Variants in AUTS2 observed in about 807,000 individuals in gnomAD.
AUTS2 encodes autism susceptibility gene 2 protein.
In AUTS2, 17 loss-of-function variants were observed where a neutral mutation model predicts 112.4. The ratio of observed to expected loss-of-function variants is 0.15; its 90% CI spans 0.10 to 0.23. AUTS2 has a LOEUF of 0.23. Ranked by LOEUF, AUTS2 falls within the 10% of genes least tolerant of loss-of-function variation. The pLI, the probability that AUTS2 is intolerant of heterozygous loss-of-function variation, is 1.00. For synonymous variants in AUTS2, 751 were observed against 702.7 expected (o/e 1.07, Z -1.09); for missense variants, 1,510 against 1,701.6 (o/e 0.89, Z 1.98).
intron 5 of AUTS2, among the ~76,000 whole-genome samples, chr7:70,685,472 C>CAAAAAAA (rs34403837): frequency 1.2e-4 from 8 of 65,958 alleles, no homozygotes; most frequent in African/African-American, 3.2e-4. Context: ...GACTCTGTCT[C>CAAAAAAA]AAAAAAAAAA....
intron 1 of AUTS2, among the ~76,000 whole-genome samples, chr7:69,720,276 C>A (rs1798854082): frequency 6.6e-6 from 1 of 152,128 alleles, no homozygotes; most frequent in Non-Finnish European, 1.5e-5. Flanking sequence ...TATAGCCTTT[C>A]ATAATAGAAT....
chr7:69,817,176 AT>A (rs761356813), intron 1 of AUTS2, among the ~76,000 whole-genome samples: 3 of 152,214 alleles, frequency 2.0e-5, no homozygotes, highest in Non-Finnish European at 4.4e-5. Flanking sequence ...ACTTGTTCTG[AT>A]GCAAATATGA....
At chr7:69,919,898 A>G (rs1206257786) in intron 2 of AUTS2, among the ~76,000 whole-genome samples, 2 of 152,214 alleles carry the variant, frequency 1.3e-5, no homozygotes, top group East Asian at 1.9e-4. Context: ...GCTTTGTGGT[A>G]ATGACTCACT....
chr7:70,222,753 A>G (rs1054078433), intron 4 of AUTS2, among the ~76,000 whole-genome samples: 1 of 152,200 alleles, frequency 6.6e-6, no homozygotes, highest in Admixed American at 6.5e-5. Context: ...CTAGTACAGT[A>G]TACAGTAAGA....
At chr7:70,578,933 T>A (rs952816390) in intron 5 of AUTS2, among the ~76,000 whole-genome samples, 12 of 150,122 alleles carry the variant, frequency 8.0e-5, no homozygotes, top group Non-Finnish European at 1.8e-4. Flanking sequence ...TTTCTTTTTT[T>A]TTTTTTGAGA....
chr7:69,812,689 C>A (rs1228668394), intron 1 of AUTS2, among the ~76,000 whole-genome samples: 1 of 151,900 alleles, frequency 6.6e-6, no homozygotes, highest in East Asian at 1.9e-4. Flanking sequence ...TTTCTTTTAA[C>A]TTGAGGGCTC....
intron 5 of AUTS2, among the ~76,000 whole-genome samples, chr7:70,677,615 G>T (rs1184499116): frequency 6.6e-6 from 1 of 152,018 alleles, no homozygotes; most frequent in African/African-American, 2.4e-5. Context: ...TAGAGGCAGG[G>T]TCTTGCTTTG....
intron 1 of AUTS2, among the ~76,000 whole-genome samples, chr7:69,651,533 C>T (rs1321743150): frequency 2.0e-5 from 3 of 152,152 alleles, no homozygotes; most frequent in Admixed American, 1.3e-4. Flanking sequence ...GACCCGCCTA[C>T]TATACTTAAA....
intron 5 of AUTS2, among the ~76,000 whole-genome samples, chr7:70,461,703 A>G (rs1303071309): frequency 6.6e-6 from 1 of 152,146 alleles, no homozygotes; most frequent in African/African-American, 2.4e-5. Context: ...ACTGAACGGT[A>G]ATGAGATAAA....
At chr7:70,293,710 C>T (rs2129612290) in intron 4 of AUTS2, 1 of 152,328 alleles carries the variant, frequency 6.6e-6, no homozygotes, top group Non-Finnish European at 1.5e-5. Flanking sequence ...TCAGGGACAC[C>T]ATTTCTTTCC....
At chr7:70,686,012 A>C (rs555180054) in intron 5 of AUTS2, among the ~76,000 whole-genome samples, 145 of 152,116 alleles carry the variant, frequency 9.5e-4, no homozygotes, top group African/African-American at 3.3e-3. Context: ...CCCCCGCCCC[A>C]GCACCATCTC....
Position 70,491,625 on chromosome 7 carries a change from A to G in AUTS2, c.690+55844A>G, listed in dbSNP as rs201468178. On this transcript the variant is annotated intron_variant, in intron 5 of 18. Transcript: ENST00000342771. ...TGTGTGTGTGTGTGTGTGTGTGTGTATTTTTTTGAGACAGAGTCTCACTCT... is the reference window on the plus strand; with the variant it reads ...TGTGTGTGTGTGTGTGTGTGTGTGTGTTTTTTTGAGACAGAGTCTCACTCT... Among the ~76,000 whole-genome samples, 115 of 104,966 alleles carry G rather than the reference A, an allele frequency of 1.1e-3. 1 individual carries two copies. The highest frequency in any genetic ancestry group is 3.5e-3 in the African/African-American group (90 of 25,740). The allele number at this position is 104,966 out of a possible 152,430, so 68.9% of individuals were successfully genotyped here.
At chr7:69,884,107 G>A (rs943569940) in intron 1 of AUTS2, among the ~76,000 whole-genome samples, 2 of 152,204 alleles carry the variant, frequency 1.3e-5, no homozygotes, top group African/African-American at 2.4e-5. Flanking sequence ...ATTGTTTAAA[G>A]TGTGTCATCT....
chr7:70,410,398 T>TTTTATTTATTTATTTA (rs10631565), intron 4 of AUTS2, among the ~76,000 whole-genome samples: 29 of 140,766 alleles, frequency 2.1e-4, no homozygotes, highest in South Asian at 4.7e-4. Context: ...AGGGTTTGTC[T>TTTTATTTATTTATTTA]TTTATTTATT....
rs542935772 is a variant in AUTS2 at position 70,789,799 on chromosome 7, C to G, written c.2583C>G (p.Leu861=). The G allele has an allele frequency of 6.2e-7, 1 of 1,614,172 alleles. No individual in the cohort carries two copies. Among genetic ancestry groups the G allele is most frequent in the East Asian group, 2.2e-5 (1 of 44,874 alleles). ...GCCACCCTTCACCAGCACCTGTCCT[C>G]CCGGTGAATGCCCTGGGACATACCC... is the stretch of plus-strand genomic sequence containing the variant. ...HSSHPSPAPV[L]PVNALGHTRS... Residue 861 remains leucine, a synonymous_variant, in exon 19 of 19, where the codon CTC becomes CTG. Transcript: ENST00000342771.
At chr7:70,024,774 C>A (rs776168371) in intron 2 of AUTS2, among the ~76,000 whole-genome samples, 31 of 152,106 alleles carry the variant, frequency 2.0e-4, no homozygotes, top group Non-Finnish European at 3.4e-4. Context: ...AGTCTTGAGG[C>A]AAAATCTCTT....
chr7:70,112,299 ATTAC>A (rs1301000228), intron 2 of AUTS2, among the ~76,000 whole-genome samples: 1 of 151,890 alleles, frequency 6.6e-6, no homozygotes, highest in Admixed American at 6.6e-5. Flanking sequence ...AAATACTGTT[ATTAC>A]TTTTTATCAT....
intron 6 of AUTS2, among the ~76,000 whole-genome samples, chr7:70,721,961 T>A (rs1490442516): frequency 6.6e-6 from 1 of 152,220 alleles, no homozygotes; most frequent in Non-Finnish European, 1.5e-5. Flanking sequence ...GATTCTGTAA[T>A]GTTATCTAGG....
At chr7:70,113,949 C>T (rs1029511985) in intron 2 of AUTS2, among the ~76,000 whole-genome samples, 1 of 152,124 alleles carries the variant, frequency 6.6e-6, no homozygotes, top group Non-Finnish European at 1.5e-5. Flanking sequence ...CCTAATTAGC[C>T]ATTAATAACA....
Sources: gnomAD v4.1 joint callset for allele counts (sites outside exome capture counted in the v4.1 genomes callset) on GRCh38, gnomAD v4.1.1 for gene constraint, MANE v1.5 for transcripts, NCBI Gene and HGNC (gene_info 2026-07-23, HGNC 2026-07-21) for gene names.